Variants in MACROD2 observed in about 807,000 individuals in gnomAD.
MACROD2 encodes ADP-ribose glycohydrolase MACROD2.
MACROD2 carries 36 observed loss-of-function variants against 70.4 expected under a neutral mutation model. That is an observed-to-expected ratio of 0.51 (90% CI 0.39 to 0.68). The LOEUF (loss-of-function observed/expected upper bound fraction) is 0.68, where lower values mean the gene tolerates loss of function less well. Among genes scored for constraint, MACROD2 ranks in the 30% least tolerant of loss-of-function variants. The probability of loss-of-function intolerance (pLI) is 0.00; values close to 1 mark genes in which losing one functional copy is unlikely to be tolerated. For synonymous variants in MACROD2, 172 were observed against 178.8 expected, an observed-to-expected ratio of 0.96 and a Z score of 0.30; for missense variants, 496 against 538.4, an observed-to-expected ratio of 0.92 and a Z score of 0.78.
At chr20:14,673,147 T>A (rs902576869) in intron 4 of MACROD2, among the ~76,000 whole-genome samples, 1 of 152,212 alleles carries the variant, frequency 6.6e-6, no homozygotes, top group Non-Finnish European at 1.5e-5. Context: ...TGCAGACTTT[T>A]AAGGGTGGGG....
Position 15,573,746 on chromosome 20 carries a change from G to A in MACROD2, c.645+73899G>A, listed in dbSNP as rs141656177. 7.0e-3 allele frequency among the ~76,000 whole-genome samples: 1,071 copies of A among 151,998 alleles called. 16 individuals are homozygous for A. Among genetic ancestry groups the A allele is most frequent in the African/African-American group, 0.025 (1,023 of 41,430 alleles). On this transcript the variant is annotated intron_variant, in intron 8 of 17. Coordinates refer to ENST00000684519, the MANE Select transcript of MACROD2 (RefSeq NM_001351661.2). ...TCTGAATCTCCTTCCCTATTTTCCT[G>A]ATACTCTCCCCACCACACACCCTTA...
intron 5 of MACROD2, among the ~76,000 whole-genome samples, chr20:15,221,641 G>A (rs2076862564): frequency 1.3e-5 from 2 of 152,180 alleles, no homozygotes; most frequent in African/African-American, 4.8e-5. Flanking sequence ...GATTTGTGCA[G>A]GAAAGGGAGA....
intron 3 of MACROD2, among the ~76,000 whole-genome samples, chr20:14,487,413 T>G (rs548415363): frequency 1.3e-5 from 2 of 152,300 alleles, no homozygotes; most frequent in African/African-American, 4.8e-5. Context: ...AGAGTTTAAT[T>G]TGGAGTTTAA....
chr20:14,349,494 T>TAA (rs899546025), intron 3 of MACROD2, among the ~76,000 whole-genome samples: 2 of 149,060 alleles, frequency 1.3e-5, no homozygotes, highest in Non-Finnish European at 3.0e-5. Flanking sequence ...TTTATATATA[T>TAA]AATAGTACCT....
intron 5 of MACROD2, among the ~76,000 whole-genome samples, chr20:14,808,507 T>C (rs2072667811): frequency 6.6e-6 from 1 of 152,030 alleles, no homozygotes; most frequent in Non-Finnish European, 1.5e-5. Flanking sequence ...CTATTGACAC[T>C]ATGAAGAAAC....
chr20:15,161,252 A>G (rs2076346278), intron 5 of MACROD2, among the ~76,000 whole-genome samples: 1 of 151,932 alleles, frequency 6.6e-6, no homozygotes, highest in African/African-American at 2.4e-5. Flanking sequence ...TAAAAAAATC[A>G]TTTGCAGGTC....
intron 2 of MACROD2, among the ~76,000 whole-genome samples, chr20:14,037,537 T>C (rs928380718): frequency 3.9e-5 from 6 of 152,234 alleles, no homozygotes; most frequent in African/African-American, 1.2e-4. Flanking sequence ...TATTTTTTGA[T>C]TGAAGACTAT....
intron 3 of MACROD2, among the ~76,000 whole-genome samples, chr20:14,480,633 T>C (rs1387148809): frequency 6.6e-6 from 1 of 152,174 alleles, no homozygotes; most frequent in African/African-American, 2.4e-5. Context: ...ATCAGTGCTT[T>C]TCAATGCAGC....
At chr20:14,393,133 G>A (rs2083546073) in intron 3 of MACROD2, among the ~76,000 whole-genome samples, 1 of 152,160 alleles carries the variant, frequency 6.6e-6, no homozygotes, top group African/African-American at 2.4e-5. Context: ...GTTTAGAGGA[G>A]TGTATCTCAT....
intron 5 of MACROD2, among the ~76,000 whole-genome samples, chr20:14,902,094 C>G (rs547958581): frequency 3.5e-4 from 54 of 152,180 alleles, no homozygotes; most frequent in African/African-American, 1.2e-3. Flanking sequence ...GCTAAATCTT[C>G]TAATTTATTG....
intron 8 of MACROD2, among the ~76,000 whole-genome samples, chr20:15,600,617 G>A (rs984044975): frequency 5.9e-5 from 9 of 152,258 alleles, no homozygotes; most frequent in Admixed American, 5.2e-4. Context: ...CTGAATAAAT[G>A]TCTTACAGAA....
At chr20:15,417,957 C>G (rs1240883915) in intron 6 of MACROD2, among the ~76,000 whole-genome samples, 1 of 152,210 alleles carries the variant, frequency 6.6e-6, no homozygotes, top group African/African-American at 2.4e-5. Flanking sequence ...CCAGTTCTTT[C>G]TCAAGGACCG....
At chr20:14,143,050 CATT>C (rs2148706698) in intron 3 of MACROD2, among the ~76,000 whole-genome samples, 1 of 152,276 alleles carries the variant, frequency 6.6e-6, no homozygotes, top group Non-Finnish European at 1.5e-5. Flanking sequence ...TGTCTTTCAT[CATT>C]CTTTTTTTCT....
At chr20:15,274,938 T>TA in intron 6 of MACROD2, among the ~76,000 whole-genome samples, 2 of 152,170 alleles carry the variant, frequency 1.3e-5, no homozygotes, top group Middle Eastern at 6.8e-3. Flanking sequence ...TAAGTGGGCC[T>TA]ATAGGAGTGG....
chr20:14,297,419 A>T (rs1375496147), intron 3 of MACROD2, among the ~76,000 whole-genome samples: 1 of 152,006 alleles, frequency 6.6e-6, no homozygotes, highest in Non-Finnish European at 1.5e-5. Context: ...AATTTCTTGA[A>T]GGAAATTAAA....
chr20:15,860,089 C>T (rs7268461), intron 8 of MACROD2, among the ~76,000 whole-genome samples: 8,168 of 152,100 alleles, frequency 0.054, 395 homozygotes, highest in East Asian at 0.24. Context: ...GAGCTGAGAT[C>T]GCGCCACTGC....
intron 8 of MACROD2, among the ~76,000 whole-genome samples, chr20:15,581,055 T>C (rs1231966385): frequency 6.6e-6 from 1 of 152,198 alleles, no homozygotes; most frequent in African/African-American, 2.4e-5. Flanking sequence ...GTTTTCTTCT[T>C]TGGCAGGTCT....
rs2073346426 is a variant in MACROD2, at chr20:14,862,216, T to TTA, written c.418+177257_418+177258insTA. Among the ~76,000 whole-genome samples the TTA allele has an allele frequency of 1.3e-4, 4 of 30,612 alleles. No homozygotes were observed. The Admixed American group carries it at 2.0e-3, about 15-fold the overall frequency. 20.1% of individuals were successfully genotyped at this position (30,612 alleles called of 152,430 possible). On this transcript the variant is annotated intron_variant, in intron 5 of 17. Coordinates refer to ENST00000684519, the MANE Select transcript of MACROD2 (RefSeq NM_001351661.2). Reference sequence around the variant, plus strand: ...ATACATAAATATATAAATATATATATATATAAATATATATAAATATATATT... The same window carrying TTA: ...ATACATAAATATATAAATATATATATTAATATAAATATATATAAATATATATT...
intron 5 of MACROD2, among the ~76,000 whole-genome samples, chr20:14,868,982 G>T (rs1163936114): frequency 6.6e-6 from 1 of 152,160 alleles, no homozygotes; most frequent in Non-Finnish European, 1.5e-5. Context: ...AAATTAAAAT[G>T]TGGGGCCCTT....
Sources: allele counts gnomAD v4.1 joint callset (sites outside exome capture counted in the v4.1 genomes callset), GRCh38; gene constraint gnomAD v4.1.1; transcripts MANE v1.5; gene names NCBI Gene and HGNC (gene_info 2026-07-23, HGNC 2026-07-21).